Variants in BTAF1 observed in about 807,000 individuals in gnomAD.
BTAF1 encodes the protein TATA-binding protein-associated factor 172.
Under a neutral mutation model 227.1 loss-of-function variants are expected in BTAF1, and 38 were observed. The observed-to-expected ratio is 0.17, with a 90% confidence interval of 0.13 to 0.22. BTAF1 has a LOEUF of 0.22. Ranked by LOEUF, BTAF1 falls within the 10% of genes least tolerant of loss-of-function variation. BTAF1 has a pLI of 1.00. For synonymous variants in BTAF1, 742 were observed against 751.9 expected (o/e 0.99, Z 0.21); for missense variants, 1,598 against 2,204.0 (o/e 0.73, Z 5.51).
In BTAF1 at chr10:91,989,315, A is replaced by G; in HGVS notation, c.2589A>G (p.Ala863=). The G allele has an allele frequency of 3.7e-6, 6 of 1,614,202 alleles. No homozygotes were observed. Among genetic ancestry groups the G allele is most frequent in the Non-Finnish European group, 5.1e-6 (6 of 1,180,038 alleles). Residue 863 remains alanine (A), a synonymous_variant, in exon 20 of 38, where the codon GCA becomes GCG. Transcript: ENST00000265990. ...QLRVHTFAAC[A]VVSLQQLPEK... ...GAGTGCATACTTTTGCTGCCTGTGCAGTTGTGAGCTTGCAGCAGCTTCCGG... is the reference window on the plus strand; with the variant it reads ...GAGTGCATACTTTTGCTGCCTGTGCGGTTGTGAGCTTGCAGCAGCTTCCGG...
chr10:91,957,695 A>G (rs1846198487), intron 8 of BTAF1, among the ~76,000 whole-genome samples: 1 of 152,192 alleles, frequency 6.6e-6, no homozygotes, highest in Admixed American at 6.5e-5. Context: ...GAGAAGAGTG[A>G]AGTTCCTCTG....
At chr10:92,008,992 G>C in intron 27 of BTAF1, 42 bp downstream of exon 27, 1 of 1,612,016 alleles carries the variant, frequency 6.2e-7, no homozygotes, top group Non-Finnish European at 8.5e-7. Context: ...TCCGGATTTG[G>C]AGAAATGTAA....
chr10:91,947,912 G>A (rs1368780844), intron 4 of BTAF1, among the ~76,000 whole-genome samples: 2 of 151,970 alleles, frequency 1.3e-5, no homozygotes, highest in South Asian at 2.1e-4. Flanking sequence ...AGTTGCTATC[G>A]TAAATAGAAT....
At chr10:92,004,679 C>T (rs767522188) in intron 25 of BTAF1, among the ~76,000 whole-genome samples, 15 of 152,154 alleles carry the variant, frequency 9.9e-5, no homozygotes, top group Non-Finnish European at 2.1e-4. Flanking sequence ...CTGTTTACCC[C>T]GGGCTGGTCT....
At chr10:91,935,621 C>T in intron 1 of BTAF1, 36 bp from the exon 2 acceptor site, 1 of 1,605,622 alleles carries the variant, frequency 6.2e-7, no homozygotes, top group Non-Finnish European at 8.5e-7. Flanking sequence ...CGAGGAAAAG[C>T]ATTTGAGAAT....
chr10:91,978,910 G>T (rs1847892321), intron 14 of BTAF1, among the ~76,000 whole-genome samples: 1 of 137,632 alleles, frequency 7.3e-6, no homozygotes, highest in South Asian at 2.4e-4. Context: ...GGGGTTTGTT[G>T]TAAGATTATT....
chr10:92,003,700 G>T (rs1023247871), intron 25 of BTAF1, among the ~76,000 whole-genome samples: 2 of 152,140 alleles, frequency 1.3e-5, no homozygotes, highest in Non-Finnish European at 2.9e-5. Flanking sequence ...GAATAATGCT[G>T]CAATGAACAC....
At position 91,992,187 on chromosome 10, in the gene BTAF1, A is replaced by G; in HGVS notation, c.2923A>G (p.Arg975Gly). The G allele has an allele frequency of 6.2e-7, 1 of 1,614,066 alleles. No individual in the cohort carries two copies. Among genetic ancestry groups the G allele is most frequent in the Non-Finnish European group, 8.5e-7 (1 of 1,180,002 alleles). ...TKHRGIITLY[R>G]HQKAAFAITS... ...GCACAGAGGTATAATTACACTCTAC[A>G]GGCACCAGAAAGCTGCCTTTGCTAT... The change falls in exon 21 of 38, where the codon AGG (arginine) becomes GGG (glycine). Residue 975 changes from arginine (R) to glycine (G), a missense_variant. By Grantham distance (125) the Arg-to-Gly change is moderately radical. Coordinates refer to ENST00000265990, the MANE Select transcript of BTAF1 (RefSeq NM_003972.3).
intron 14 of BTAF1, among the ~76,000 whole-genome samples, chr10:91,967,526 C>A (rs11186775): frequency 3.8e-4 from 58 of 152,298 alleles, no homozygotes; most frequent in East Asian, 2.1e-3. Flanking sequence ...TGTTCACTAA[C>A]TGGATTCTCA....
chr10:91,954,766 T>C (rs554461464), intron 6 of BTAF1, among the ~76,000 whole-genome samples: 86 of 152,208 alleles, frequency 5.7e-4, no homozygotes, highest in South Asian at 2.5e-3. Flanking sequence ...CTATGTTGCC[T>C]AGGCTGGTCT....
chr10:91,960,616 C>A (rs1846446203), intron 11 of BTAF1, among the ~76,000 whole-genome samples: 1 of 145,262 alleles, frequency 6.9e-6, no homozygotes, highest in African/African-American at 2.6e-5. Flanking sequence ...TCCTTTATGA[C>A]AAAGCTTAGA....
chr10:92,021,637 G>T (rs1193619083), intron 34 of BTAF1, among the ~76,000 whole-genome samples: 1 of 151,896 alleles, frequency 6.6e-6, no homozygotes, highest in Non-Finnish European at 1.5e-5. Context: ...TGCCTCCTGG[G>T]TTCACGCCAT....
chr10:91,946,344 A>G (rs1404527690), intron 4 of BTAF1, among the ~76,000 whole-genome samples: 1 of 152,180 alleles, frequency 6.6e-6, no homozygotes, highest in Non-Finnish European at 1.5e-5. Context: ...GGGCAACAAG[A>G]GTGAAACTCT....
Position 91,950,216 on chromosome 10 carries a change from G to A in BTAF1, c.401-1187G>A, listed in dbSNP as rs1589787103. Among the ~76,000 whole-genome samples the A allele has an allele frequency of 2.6e-5, 4 of 151,628 alleles. No individual in the cohort carries two copies. In the East Asian group the frequency reaches 7.8e-4, roughly 30 times the overall value. ...TAGCTGCCACGCATTTCATGTACTG[G>A]CTCTATCTTCAGGCTAAAAGCTACA... On this transcript the variant is annotated intron_variant, in intron 4 of 37. Transcript: ENST00000265990.
intron 20 of BTAF1, among the ~76,000 whole-genome samples, chr10:91,991,793 GTGTGTATATATATATATA>G (rs1564700554): frequency 3.6e-5 from 3 of 83,468 alleles, no homozygotes; most frequent in South Asian, 4.0e-4. Context: ...GTGTGTGTGT[GTGTGTATATATATATATA>G]TATATATATA....
intron 18 of BTAF1, 94 bp downstream of exon 18, chr10:91,982,855 C>T (rs1265265057): frequency 3.9e-6 from 5 of 1,267,122 alleles, no homozygotes; most frequent in Admixed American, 2.7e-5. Context: ...TGAAAATTTT[C>T]GATGTATAAA....
chr10:91,993,153 G>T (rs1052841712), intron 21 of BTAF1, among the ~76,000 whole-genome samples: 1 of 151,994 alleles, frequency 6.6e-6, no homozygotes, highest in Non-Finnish European at 1.5e-5. Flanking sequence ...CTGTGATTTT[G>T]ATATTTATAT....
chr10:91,938,975 C>CAAA (rs58534811), intron 2 of BTAF1, among the ~76,000 whole-genome samples: 2 of 89,490 alleles, frequency 2.2e-5, no homozygotes, highest in African/African-American at 7.4e-5. Flanking sequence ...TCCATTTCTG[C>CAAA]AAAAAAAAAA....
At chr10:91,955,662 G>T (rs1846040887) in intron 6 of BTAF1, among the ~76,000 whole-genome samples, 1 of 152,064 alleles carries the variant, frequency 6.6e-6, no homozygotes, top group Non-Finnish European at 1.5e-5. Flanking sequence ...GTTTTAAATA[G>T]TTTAAGAAAA....
Sources: allele counts gnomAD v4.1 joint callset (sites outside exome capture counted in the v4.1 genomes callset), GRCh38; gene constraint gnomAD v4.1.1; transcripts MANE v1.5; gene names NCBI Gene and HGNC (gene_info 2026-07-23, HGNC 2026-07-21).